Variants in MIPEP observed in about 807,000 individuals in gnomAD.
The protein encoded by MIPEP is mitochondrial intermediate peptidase.
A neutral mutation model predicts 90.3 loss-of-function variants in MIPEP; 79 were observed. That is an observed-to-expected ratio of 0.87 (90% CI 0.73 to 1.05). The LOEUF is 1.05. MIPEP is among the 50% of genes least tolerant of loss of function. MIPEP has a pLI of 0.00. For synonymous variants in MIPEP, 334 were observed against 315.8 expected (o/e 1.06, Z -0.61); for missense variants, 940 against 905.6 (o/e 1.04, Z -0.49).
At chr13:23,771,918 C>G (rs1170212111) in intron 16 of MIPEP, among the ~76,000 whole-genome samples, 1 of 152,024 alleles carries the variant, frequency 6.6e-6, no homozygotes, top group Non-Finnish European at 1.5e-5. Flanking sequence ...CTTTACATTG[C>G]CTAAGAGGTA....
chr13:23,805,331 T>C (rs1476847862), intron 16 of MIPEP, among the ~76,000 whole-genome samples: 3 of 152,166 alleles, frequency 2.0e-5, no homozygotes, highest in Non-Finnish European at 2.9e-5. Context: ...CTTAACTACC[T>C]AGATGATCTC....
intron 16 of MIPEP, among the ~76,000 whole-genome samples, chr13:23,787,468 C>T (rs1201109475): frequency 3.3e-5 from 5 of 152,030 alleles, no homozygotes; most frequent in African/African-American, 1.2e-4. Context: ...GCACATGCTT[C>T]TCCTGTCTCT....
chr13:23,792,082 C>CT (rs907092477), intron 16 of MIPEP, among the ~76,000 whole-genome samples: 8 of 151,048 alleles, frequency 5.3e-5, no homozygotes, highest in African/African-American at 7.3e-5. Flanking sequence ...CTCAATTCAC[C>CT]TTTTTTTTTG....
At chr13:23,794,025 G>A (rs553537268) in intron 16 of MIPEP, among the ~76,000 whole-genome samples, 208 of 152,250 alleles carry the variant, frequency 1.4e-3, no homozygotes, top group Admixed American at 2.7e-3. Context: ...CCTCACTAAT[G>A]TTGTGTGGAT....
chr13:23,773,631 T>C (rs993413800), intron 16 of MIPEP, among the ~76,000 whole-genome samples: 1 of 152,236 alleles, frequency 6.6e-6, no homozygotes, highest in Admixed American at 6.5e-5. Flanking sequence ...CACTTGCTAC[T>C]GCCCATCTTT....
At chr13:23,874,254 C>T (rs1184440890) in intron 5 of MIPEP, among the ~76,000 whole-genome samples, 1 of 152,192 alleles carries the variant, frequency 6.6e-6, no homozygotes, top group Non-Finnish European at 1.5e-5. Context: ...AAATGAGGCA[C>T]TTGGTTTCTC....
rs139077596 is a variant in MIPEP at position 23,836,381 on chromosome 13, A to C, written c.1544-32T>G. ...CAAGAAAAAAAAAAAAGTTGGCATG[A>C]ATCAAATCAATATATTTATCTACTT... On this transcript the variant is annotated intron_variant, in intron 13 of 18. Transcript: ENST00000382172. The C allele has an allele frequency of 5.3e-3, 6,878 of 1,304,012 alleles. 40 individuals carry two copies. The highest frequency in any genetic ancestry group is 5.4e-3 in the Non-Finnish European group (5,153 of 948,834). The allele number at this position is 1,304,012 out of a possible 1,614,324, so 80.8% of individuals were successfully genotyped here.
intron 10 of MIPEP, among the ~76,000 whole-genome samples, chr13:23,849,362 T>G (rs986755261): frequency 6.6e-6 from 1 of 152,238 alleles, no homozygotes; most frequent in African/African-American, 2.4e-5. Flanking sequence ...GTGCCATCCC[T>G]GTCACCACCT....
At chr13:23,826,646 C>T (rs192452462) in intron 14 of MIPEP, among the ~76,000 whole-genome samples, 39 of 152,166 alleles carry the variant, frequency 2.6e-4, no homozygotes, top group African/African-American at 8.2e-4. Context: ...CATTTCATCA[C>T]ATCATTTAAT....
chr13:23,747,789 G>A (rs543778164), intron 18 of MIPEP, among the ~76,000 whole-genome samples: 37 of 152,232 alleles, frequency 2.4e-4, no homozygotes, highest in Admixed American at 5.2e-4. Flanking sequence ...TGCCCGCACT[G>A]GAGTGCAGTG....
intron 16 of MIPEP, among the ~76,000 whole-genome samples, chr13:23,798,960 C>A (rs1361977488): frequency 6.6e-6 from 1 of 151,420 alleles, no homozygotes; most frequent in Non-Finnish European, 1.5e-5. Context: ...ATAATACATC[C>A]CTCATCCCCT....
intron 14 of MIPEP, among the ~76,000 whole-genome samples, chr13:23,828,251 C>T (rs992537660): frequency 1.3e-5 from 2 of 152,220 alleles, no homozygotes; most frequent in African/African-American, 4.8e-5. Context: ...GTATTAAAAA[C>T]ATTTCCTTTA....
chr13:23,830,610 G>C (rs1868692987), intron 14 of MIPEP, among the ~76,000 whole-genome samples: 1 of 152,144 alleles, frequency 6.6e-6, no homozygotes, highest in Non-Finnish European at 1.5e-5. Flanking sequence ...TCATTTACAA[G>C]AAGAATCTCC....
intron 16 of MIPEP, among the ~76,000 whole-genome samples, chr13:23,761,910 A>G (rs945230317): frequency 9.9e-5 from 15 of 152,226 alleles, no homozygotes; most frequent in African/African-American, 3.1e-4. Context: ...GGGTCACTTG[A>G]GGCCAGGAAT....
At chr13:23,880,118 G>T (rs1444725860) in intron 3 of MIPEP, among the ~76,000 whole-genome samples, 1 of 152,166 alleles carries the variant, frequency 6.6e-6, no homozygotes, top group East Asian at 1.9e-4. Context: ...GCTACTCAGA[G>T]ACTCAAGGAT....
At chr13:23,865,828 G>A (rs9580770) in intron 7 of MIPEP, among the ~76,000 whole-genome samples, 81,646 of 151,560 alleles carry the variant, frequency 0.54, 22,193 homozygotes, top group South Asian at 0.72. Flanking sequence ...CCGCCACCGC[G>A]CCCAATTAAT....
chr13:23,775,899 T>A (rs1952710115), intron 16 of MIPEP, among the ~76,000 whole-genome samples: 1 of 152,186 alleles, frequency 6.6e-6, no homozygotes, highest in South Asian at 2.1e-4. Context: ...CTGGATAAAA[T>A]ATTTAAAAGA....
At chr13:23,836,876 G>T (rs1227517728) in intron 13 of MIPEP, among the ~76,000 whole-genome samples, 2 of 152,200 alleles carry the variant, frequency 1.3e-5, no homozygotes, top group African/African-American at 4.8e-5. Context: ...TTTAACGATT[G>T]TGTTCAGCCC....
intron 18 of MIPEP, among the ~76,000 whole-genome samples, chr13:23,744,754 A>G (rs1025865140): frequency 3.3e-5 from 5 of 152,266 alleles, no homozygotes; most frequent in Non-Finnish European, 4.4e-5. Context: ...AATGCTGGCA[A>G]TATACAAGTA....
Sources: allele counts gnomAD v4.1 joint callset (sites outside exome capture counted in the v4.1 genomes callset), GRCh38; gene constraint gnomAD v4.1.1; transcripts MANE v1.5; gene names NCBI Gene and HGNC (gene_info 2026-07-23, HGNC 2026-07-21).